KIAA1217: variants seen among roughly 807,000 people sequenced by gnomAD.
The protein encoded by KIAA1217 is KIAA1217, also known as sickle tail protein homolog.
A neutral mutation model predicts 163.9 loss-of-function variants in KIAA1217; 88 were observed. The observed-to-expected ratio is 0.54, with a 90% CI of 0.45 to 0.64. The LOEUF (loss-of-function observed/expected upper bound fraction) is 0.64, where lower values mean the gene tolerates loss of function less well. KIAA1217 is among the 30% of genes least tolerant of loss of function. The pLI is 0.00. For synonymous variants in KIAA1217, 903 were observed against 923.1 expected, an observed-to-expected ratio of 0.98 and a Z score of 0.39; for missense variants, 2,372 against 2,475.0, an observed-to-expected ratio of 0.96 and a Z score of 0.88.
chr10:24,158,821 A>G, intron 2 of KIAA1217: 1 of 411,418 alleles, frequency 2.4e-6, no homozygotes, highest in Non-Finnish European at 4.9e-6. Flanking sequence ...TTGTTACACT[A>G]AAACAGAGTT....
At chr10:24,352,724 T>C (rs2048607876) in intron 2 of KIAA1217, among the ~76,000 whole-genome samples, 1 of 152,066 alleles carries the variant, frequency 6.6e-6, no homozygotes. Context: ...TGATACTTGG[T>C]AAATTATGAG....
chr10:23,925,770 C>A (rs548521069), intron 1 of KIAA1217, among the ~76,000 whole-genome samples: 1 of 152,276 alleles, frequency 6.6e-6, no homozygotes, highest in East Asian at 1.9e-4. Flanking sequence ...CTCTTTCCAG[C>A]TCTGTGGCCT....
At chr10:23,940,777 A>G (rs911324080) in intron 1 of KIAA1217, among the ~76,000 whole-genome samples, 2 of 152,254 alleles carry the variant, frequency 1.3e-5, no homozygotes, top group African/African-American at 4.8e-5. Context: ...TTAACAATCA[A>G]TTACAGAAAT....
intron 1 of KIAA1217, among the ~76,000 whole-genome samples, chr10:23,964,409 T>A (rs1454948700): frequency 6.6e-6 from 1 of 152,038 alleles, no homozygotes; most frequent in Non-Finnish European, 1.5e-5. Context: ...GTGTTCACTC[T>A]GCTGATAGTT....
chr10:24,217,031 CAAAAAAAAAA>C (rs60303909), intron 1 of KIAA1217, among the ~76,000 whole-genome samples: 2 of 21,322 alleles, frequency 9.4e-5, no homozygotes, highest in Non-Finnish European at 1.5e-4. Flanking sequence ...GACCTTGTCT[CAAAAAAAAAA>C]AAAAAAAAAA....
chr10:24,198,891 C>T (rs1406104750), intron 2 of KIAA1217, among the ~76,000 whole-genome samples: 1 of 152,108 alleles, frequency 6.6e-6, no homozygotes, highest in African/African-American at 2.4e-5. Context: ...GCAGTACTCT[C>T]CGAACTACTA....
intron 2 of KIAA1217, among the ~76,000 whole-genome samples, chr10:24,327,628 G>A (rs1291635499): frequency 3.3e-5 from 5 of 152,032 alleles, no homozygotes; most frequent in South Asian, 4.1e-4. Context: ...GTAGGTGCAC[G>A]CCACCATGCC....
At chr10:24,113,509 G>A (rs1035859547) in intron 2 of KIAA1217, among the ~76,000 whole-genome samples, 1 of 152,210 alleles carries the variant, frequency 6.6e-6, no homozygotes, top group Non-Finnish European at 1.5e-5. Context: ...GAGTATTGTA[G>A]AAGATGACAG....
chr10:24,389,552 A>T (rs2054550655), intron 3 of KIAA1217, among the ~76,000 whole-genome samples: 2 of 103,098 alleles, frequency 1.9e-5, no homozygotes, highest in South Asian at 9.0e-4. Flanking sequence ...AAGTATAATA[A>T]AAAAAAAAAA....
intron 2 of KIAA1217, among the ~76,000 whole-genome samples, chr10:24,133,461 A>T (rs1005753645): frequency 6.6e-6 from 1 of 151,884 alleles, no homozygotes; most frequent in African/African-American, 2.4e-5. Context: ...AATCCCATCT[A>T]CTGGGGAGGG....
At chr10:23,918,580 G>A (rs940231848) in intron 1 of KIAA1217, among the ~76,000 whole-genome samples, 11 of 152,044 alleles carry the variant, frequency 7.2e-5, no homozygotes, top group Non-Finnish European at 1.3e-4. Flanking sequence ...GAATGCTTGC[G>A]CTGTCATAGA....
At chr10:23,759,076 T>C (rs1834102977) in intron 1 of KIAA1217, among the ~76,000 whole-genome samples, 2 of 152,230 alleles carry the variant, frequency 1.3e-5, no homozygotes, top group Non-Finnish European at 2.9e-5. Flanking sequence ...CACTTATTTA[T>C]TTCTTCTTTA....
intron 1 of KIAA1217, among the ~76,000 whole-genome samples, chr10:23,896,529 T>C (rs2131230562): frequency 6.6e-6 from 1 of 152,198 alleles, no homozygotes; most frequent in African/African-American, 2.4e-5. Context: ...TGGCAGGTCG[T>C]ATCTGATTTG....
chr10:23,730,460 C>T (rs982773786), intron 1 of KIAA1217, among the ~76,000 whole-genome samples: 3 of 152,074 alleles, frequency 2.0e-5, no homozygotes, highest in East Asian at 3.9e-4. Flanking sequence ...AGTTCTTCAA[C>T]GTTATTTTCT....
At chr10:23,999,699 A>G (rs1302112407) in intron 1 of KIAA1217, among the ~76,000 whole-genome samples, 1 of 152,184 alleles carries the variant, frequency 6.6e-6, no homozygotes. Context: ...ACTCTCCCGC[A>G]ATATTCAGTA....
intron 2 of KIAA1217, among the ~76,000 whole-genome samples, chr10:24,040,140 T>C (rs1589272967): frequency 1.3e-5 from 2 of 152,204 alleles, no homozygotes; most frequent in Non-Finnish European, 2.9e-5. Flanking sequence ...CAGGCCAAAG[T>C]CCTTTGCCAG....
At chr10:24,350,258 C>T (rs1056690983) in intron 2 of KIAA1217, among the ~76,000 whole-genome samples, 1 of 152,186 alleles carries the variant, frequency 6.6e-6, no homozygotes, top group East Asian at 1.9e-4. Flanking sequence ...GGCTCCCCAA[C>T]AATTACAGCA....
chr10:24,108,125 T>C (rs1464100366), intron 2 of KIAA1217, among the ~76,000 whole-genome samples: 1 of 152,182 alleles, frequency 6.6e-6, no homozygotes, highest in Non-Finnish European at 1.5e-5. Context: ...TGACTTCTCA[T>C]CCTAAGGAAG....
chr10:24,532,998 A>T (rs2073350738), intron 15 of KIAA1217, 72 bp from the exon 16 acceptor site: 3 of 1,406,864 alleles, frequency 2.1e-6, no homozygotes, highest in Admixed American at 2.0e-5. Flanking sequence ...GTGAGGGACC[A>T]TACGATCTGT....
Sources: allele counts gnomAD v4.1 joint callset (sites outside exome capture counted in the v4.1 genomes callset), GRCh38; gene constraint gnomAD v4.1.1; transcripts MANE v1.5; gene names NCBI Gene and HGNC (gene_info 2026-07-23, HGNC 2026-07-21).